Variants in BCKDHB observed in about 807,000 individuals in gnomAD.
BCKDHB encodes 2-oxoisovalerate dehydrogenase subunit beta, mitochondrial.
Under a neutral mutation model 48.5 loss-of-function variants are expected in BCKDHB, and 41 were observed. The observed-to-expected ratio is 0.85, with a 90% CI of 0.66 to 1.10. The LOEUF (loss-of-function observed/expected upper bound fraction) is 1.10, where lower values mean the gene tolerates loss of function less well. Ranked by LOEUF, BCKDHB falls within the 50% of genes least tolerant of loss-of-function variation. The pLI, the probability that BCKDHB is intolerant of heterozygous loss-of-function variation, is 0.00. For synonymous variants in BCKDHB, 201 were observed against 174.8 expected, an observed-to-expected ratio of 1.15 and a Z score of -1.18; for missense variants, 496 against 494.2, an observed-to-expected ratio of 1.00 and a Z score of -0.03.
At chr6:80,197,169 G>A (rs1300689323) in intron 6 of BCKDHB, among the ~76,000 whole-genome samples, 7 of 152,130 alleles carry the variant, frequency 4.6e-5, no homozygotes, top group Admixed American at 2.0e-4. Context: ...GCACATAGCC[G>A]TGGGGTAGGA....
intron 8 of BCKDHB, among the ~76,000 whole-genome samples, chr6:80,249,694 A>G (rs939685183): frequency 2.6e-5 from 4 of 152,220 alleles, no homozygotes; most frequent in African/African-American, 7.2e-5. Context: ...TGCGGTGAAC[A>G]TGAATTTTGT....
At chr6:80,367,603 T>C in the BCKDHB span, among the ~76,000 whole-genome samples, 4,862 of 152,316 alleles carry the variant, frequency 0.032, 280 homozygotes, top group African/African-American at 0.11. Flanking sequence ...TAAGAAAATA[T>C]GTGATGGAGT....
the BCKDHB span, among the ~76,000 whole-genome samples, chr6:80,444,680 C>A: frequency 4.6e-3 from 699 of 152,278 alleles, 7 homozygotes; most frequent in African/African-American, 0.016. Flanking sequence ...CAACTTATTA[C>A]TAAATGCCTA....
In BCKDHB at chr6:80,183,542, C is replaced by T. The variant is rs145841093; in HGVS notation, c.742+12152C>T. ...CAAACAAGCATAGCCTTCCCCATTG[C>T]CAACATCCCCATCAGAGTTGTACAT... On this transcript the variant is annotated intron_variant, in intron 6 of 9. Transcript: ENST00000320393. 1.7e-3 allele frequency among the ~76,000 whole-genome samples: 265 copies of T among 152,216 alleles called. 1 individual carries two copies. Among genetic ancestry groups the T allele is most frequent in the African/African-American group, 6.0e-3 (251 of 41,550 alleles).
chr6:80,350,657 A>G (rs1386656549), downstream of BCKDHB, among the ~76,000 whole-genome samples: 1 of 150,578 alleles, frequency 6.6e-6, no homozygotes, highest in Non-Finnish European at 1.5e-5. Flanking sequence ...TGATTTGCTA[A>G]AAGTCCTTTT....
intron 9 of BCKDHB, among the ~76,000 whole-genome samples, chr6:80,300,257 G>A (rs1022629545): frequency 6.6e-6 from 1 of 152,014 alleles, no homozygotes; most frequent in Non-Finnish European, 1.5e-5. Flanking sequence ...TCACCATGTT[G>A]CCCAGGCTTG....
the BCKDHB span, among the ~76,000 whole-genome samples, chr6:80,411,203 C>A: frequency 2.6e-5 from 4 of 152,200 alleles, no homozygotes; most frequent in Non-Finnish European, 5.9e-5. Context: ...ACAGGCCCCT[C>A]AGCTGCAGGT....
the BCKDHB span, among the ~76,000 whole-genome samples, chr6:80,409,575 CA>C: frequency 2.0e-5 from 1 of 50,330 alleles, no homozygotes; most frequent in Admixed American, 3.1e-4. Context: ...GTATTGGTTG[CA>C]TATATATATA....
At chr6:80,387,359 C>G in the BCKDHB span, among the ~76,000 whole-genome samples, 12 of 98,844 alleles carry the variant, frequency 1.2e-4, no homozygotes, top group African/African-American at 3.4e-4. Flanking sequence ...AGAGTTGCCT[C>G]TACCTAGAAA....
At chr6:80,370,735 T>C in the BCKDHB span, among the ~76,000 whole-genome samples, 2 of 151,832 alleles carry the variant, frequency 1.3e-5, no homozygotes, top group African/African-American at 4.8e-5. Flanking sequence ...TTTCATTCCT[T>C]TTTATGGCTG....
intron 8 of BCKDHB, among the ~76,000 whole-genome samples, chr6:80,205,827 T>C (rs946358266): frequency 6.7e-6 from 1 of 148,482 alleles, no homozygotes; most frequent in Non-Finnish European, 1.5e-5. Flanking sequence ...TGTGTGTGTG[T>C]GTGTGTGTAG....
intron 8 of BCKDHB, among the ~76,000 whole-genome samples, chr6:80,233,631 C>G (rs1227730234): frequency 6.6e-6 from 1 of 152,160 alleles, no homozygotes; most frequent in Non-Finnish European, 1.5e-5. Context: ...AGGTAAAGGT[C>G]ACACCTATTT....
At chr6:80,444,732 A>G in the BCKDHB span, among the ~76,000 whole-genome samples, 1 of 152,214 alleles carries the variant, frequency 6.6e-6, no homozygotes, top group Non-Finnish European at 1.5e-5. Context: ...AATGTCTTGC[A>G]TATAGATATG....
chr6:80,232,610 G>T (rs1158766247), intron 8 of BCKDHB, among the ~76,000 whole-genome samples: 1 of 148,856 alleles, frequency 6.7e-6, no homozygotes, highest in Non-Finnish European at 1.5e-5. Flanking sequence ...TATACTACAT[G>T]TATTAAATTC....
intron 3 of BCKDHB, among the ~76,000 whole-genome samples, chr6:80,131,646 CTT>C (rs980271237): frequency 3.4e-5 from 5 of 145,434 alleles, no homozygotes; most frequent in Middle Eastern, 3.6e-3. Flanking sequence ...ATACAAAATA[CTT>C]TTTTTTTTTT....
chr6:80,269,617 A>G (rs1415897875), intron 8 of BCKDHB, among the ~76,000 whole-genome samples: 1 of 152,108 alleles, frequency 6.6e-6, no homozygotes, highest in Admixed American at 6.6e-5. Context: ...AGATACTTGC[A>G]AATCCAGCCT....
chr6:80,439,482 A>G, the BCKDHB span, among the ~76,000 whole-genome samples: 2 of 152,214 alleles, frequency 1.3e-5, no homozygotes, highest in Non-Finnish European at 2.9e-5. Context: ...ATCCTAGGTC[A>G]TCTGAAGTAA....
At chr6:80,160,633 C>G (rs2127765362) in intron 3 of BCKDHB, among the ~76,000 whole-genome samples, 1 of 152,286 alleles carries the variant, frequency 6.6e-6, no homozygotes, top group South Asian at 2.1e-4. Flanking sequence ...GTGTAATGGA[C>G]AATATCTTTA....
chr6:80,311,415 C>G (rs1168173316), intron 9 of BCKDHB, among the ~76,000 whole-genome samples: 1 of 152,112 alleles, frequency 6.6e-6, no homozygotes, highest in African/African-American at 2.4e-5. Context: ...GTTGATGGTT[C>G]CTTTTGCTGT....
Sources: gnomAD v4.1 joint callset for allele counts (sites outside exome capture counted in the v4.1 genomes callset) on GRCh38, gnomAD v4.1.1 for gene constraint, MANE v1.5 for transcripts, NCBI Gene and HGNC (gene_info 2026-07-23, HGNC 2026-07-21) for gene names.